The following NPAS3 variants were observed in gnomAD, a reference collection of about 807,000 sequenced individuals.
NPAS3 encodes neuronal PAS domain-containing protein 3.
Under a neutral mutation model 73.1 loss-of-function variants are expected in NPAS3, and 14 were observed. The observed-to-expected ratio is 0.19, with a 90% CI of 0.13 to 0.30. NPAS3 has a LOEUF of 0.30. Ranked by LOEUF, NPAS3 falls within the 10% of genes least tolerant of loss-of-function variation. The probability of loss-of-function intolerance (pLI) is 1.00; values close to 1 mark genes in which losing one functional copy is unlikely to be tolerated. For missense variants in NPAS3, 1,096 were observed against 1,250.0 expected, an observed-to-expected ratio of 0.88 and a Z score of 1.86; for synonymous variants, 620 against 541.5, an observed-to-expected ratio of 1.14 and a Z score of -2.01.
chr14:33,577,025 A>C (rs1006688802), intron 5 of NPAS3, among the ~76,000 whole-genome samples: 1 of 152,204 alleles, frequency 6.6e-6, no homozygotes, highest in African/African-American at 2.4e-5. Flanking sequence ...AAGCTCTTCA[A>C]CTTGCAAGGC....
At chr14:33,527,199 T>G (rs1296535197) in intron 4 of NPAS3, among the ~76,000 whole-genome samples, 1 of 152,170 alleles carries the variant, frequency 6.6e-6, no homozygotes, top group Admixed American at 6.5e-5. Flanking sequence ...CCCTAGTAGC[T>G]GGGACAAATA....
At chr14:33,305,303 T>C (rs1255590574) in intron 3 of NPAS3, among the ~76,000 whole-genome samples, 1 of 152,104 alleles carries the variant, frequency 6.6e-6, no homozygotes, top group Non-Finnish European at 1.5e-5. Context: ...AGAAAATAAT[T>C]AGAATAATTT....
At chr14:33,486,619 C>T (rs1570211) in intron 4 of NPAS3, among the ~76,000 whole-genome samples, 43,807 of 152,032 alleles carry the variant, frequency 0.29, 11,677 homozygotes, top group African/African-American at 0.71. Flanking sequence ...AGCTCTCAAG[C>T]AGTCTTGCTT....
At chr14:33,134,508 T>A (rs2043762629) in intron 2 of NPAS3, among the ~76,000 whole-genome samples, 2 of 152,196 alleles carry the variant, frequency 1.3e-5, no homozygotes, top group African/African-American at 4.8e-5. Flanking sequence ...TCTACTTAGT[T>A]AAAACAACAG....
intron 2 of NPAS3, among the ~76,000 whole-genome samples, chr14:33,143,650 C>T (rs910475183): frequency 6.6e-6 from 1 of 152,104 alleles, no homozygotes; most frequent in Non-Finnish European, 1.5e-5. Context: ...ACAAATAGCA[C>T]CTCTATCTAG....
chr14:33,191,240 T>C (rs56110420), intron 2 of NPAS3, among the ~76,000 whole-genome samples: 2,642 of 152,254 alleles, frequency 0.017, 31 homozygotes, highest in Middle Eastern at 0.054. Flanking sequence ...TAAAAAGGCA[T>C]TTATCAGTAG....
chr14:33,774,743 C>T (rs1016581391), intron 8 of NPAS3, among the ~76,000 whole-genome samples: 5 of 152,138 alleles, frequency 3.3e-5, no homozygotes, highest in Non-Finnish European at 5.9e-5. Context: ...TTAAATGAAT[C>T]GGGATACCCA....
chr14:33,536,398 T>G (rs1030293947), intron 4 of NPAS3, among the ~76,000 whole-genome samples: 2 of 152,220 alleles, frequency 1.3e-5, no homozygotes, highest in Admixed American at 1.3e-4. Flanking sequence ...AGTAGAAGAA[T>G]AGAGTCATAA....
intron 6 of NPAS3, among the ~76,000 whole-genome samples, chr14:33,691,240 T>TGA (rs1566430425): frequency 6.6e-6 from 1 of 152,226 alleles, no homozygotes. Flanking sequence ...GGGCCTTTGC[T>TGA]GAGAGTTTAT....
intron 1 of NPAS3, among the ~76,000 whole-genome samples, chr14:33,027,754 C>T (rs1253977016): frequency 6.6e-5 from 10 of 152,128 alleles, no homozygotes; most frequent in Admixed American, 5.2e-4. Context: ...AGTGAATTTA[C>T]AAGGGGCAGT....
chr14:33,484,583 G>T (rs568330217), intron 4 of NPAS3, among the ~76,000 whole-genome samples: 4 of 152,298 alleles, frequency 2.6e-5, no homozygotes, highest in Admixed American at 1.3e-4. Context: ...ATTTGTGAAT[G>T]TGTGTGAGGA....
chr14:33,746,329 C>CA (rs200269538), intron 7 of NPAS3, among the ~76,000 whole-genome samples: 1,521 of 151,912 alleles, frequency 0.01, 35 homozygotes, highest in African/African-American at 0.034. Flanking sequence ...GCTGGGATTA[C>CA]AGATGCCTGC....
intron 6 of NPAS3, among the ~76,000 whole-genome samples, chr14:33,688,880 G>A (rs894511644): frequency 6.6e-6 from 1 of 152,238 alleles, no homozygotes; most frequent in Non-Finnish European, 1.5e-5. Context: ...GCTGCCCAGA[G>A]CAGTGCAGTG....
chr14:33,455,487 T>C (rs1453746006), intron 4 of NPAS3, among the ~76,000 whole-genome samples: 1 of 152,216 alleles, frequency 6.6e-6, no homozygotes, highest in Non-Finnish European at 1.5e-5. Context: ...TTCAGTTCCC[T>C]TGTAAAACTA....
At chr14:33,519,060 C>A (rs1322234491) in intron 4 of NPAS3, among the ~76,000 whole-genome samples, 1 of 152,106 alleles carries the variant, frequency 6.6e-6, no homozygotes, top group East Asian at 1.9e-4. Context: ...ATTTGTTACA[C>A]ACAACCCTCT....
chr14:33,110,758 C>G (rs1398839708), intron 2 of NPAS3, among the ~76,000 whole-genome samples: 1 of 151,944 alleles, frequency 6.6e-6, no homozygotes, highest in Non-Finnish European at 1.5e-5. Flanking sequence ...ATGCGCATTT[C>G]TATATCTCTA....
intron 9 of NPAS3, among the ~76,000 whole-genome samples, chr14:33,790,263 C>A (rs76350030): frequency 1.6e-3 from 248 of 152,276 alleles, no homozygotes; most frequent in African/African-American, 5.8e-3. Flanking sequence ...TTGTTATTCC[C>A]GCAAAAGGAA....
At chr14:33,474,504 G>A (rs978967513) in intron 4 of NPAS3, among the ~76,000 whole-genome samples, 13 of 152,102 alleles carry the variant, frequency 8.5e-5, no homozygotes, top group African/African-American at 3.1e-4. Context: ...CGGAGAGGAG[G>A]TAAAATTACA....
chr14:33,040,029 A>C (rs1181978525), intron 1 of NPAS3, among the ~76,000 whole-genome samples: 2 of 152,226 alleles, frequency 1.3e-5, no homozygotes, highest in Non-Finnish European at 2.9e-5. Context: ...CTCCCTCAAG[A>C]AAAGGCTGTT....
Sources: gnomAD v4.1 joint callset for allele counts (sites outside exome capture counted in the v4.1 genomes callset) on GRCh38, gnomAD v4.1.1 for gene constraint, MANE v1.5 for transcripts, NCBI Gene and HGNC (gene_info 2026-07-23, HGNC 2026-07-21) for gene names.